Variants in MAF observed in about 807,000 individuals in gnomAD.
The protein encoded by MAF is transcription factor Maf.
MAF carries 10 observed loss-of-function variants against 22.0 expected under a neutral mutation model. The ratio of observed to expected loss-of-function variants is 0.45; its 90% CI spans 0.28 to 0.77. The LOEUF (loss-of-function observed/expected upper bound fraction) is 0.77. Among genes scored for constraint, MAF ranks in the 30% least tolerant of loss-of-function variants. The pLI is 0.12. For missense variants in MAF, 544 were observed against 548.4 expected (o/e 0.99, Z 0.08); for synonymous variants, 337 against 255.8 (o/e 1.32, Z -3.03).
chr16:79,330,583 C>G, the MAF span, among the ~76,000 whole-genome samples: 6 of 152,122 alleles, frequency 3.9e-5, no homozygotes, highest in Non-Finnish European at 8.8e-5. Context: ...GGGAGGAACA[C>G]CAGTGGGGAA....
chr16:79,299,638 G>C, the MAF span, among the ~76,000 whole-genome samples: 3 of 152,274 alleles, frequency 2.0e-5, no homozygotes, highest in African/African-American at 7.2e-5. Context: ...TGAGGCCCTG[G>C]AGGGCCCCTG....
the MAF span, among the ~76,000 whole-genome samples, chr16:79,456,544 T>G: frequency 5.9e-5 from 9 of 152,298 alleles, no homozygotes; most frequent in East Asian, 1.7e-3. Flanking sequence ...CATAGATTAC[T>G]CCAGAACTCT....
At chr16:79,464,320 C>T in the MAF span, among the ~76,000 whole-genome samples, 1 of 152,218 alleles carries the variant, frequency 6.6e-6, no homozygotes, top group South Asian at 2.1e-4. Flanking sequence ...ACTGAGAGGA[C>T]CGAGGGAGTA....
At chr16:79,432,858 G>A in the MAF span, among the ~76,000 whole-genome samples, 13 of 152,128 alleles carry the variant, frequency 8.5e-5, no homozygotes, top group Non-Finnish European at 1.5e-4. Flanking sequence ...AGGCATCCTG[G>A]AACAGACTCT....
At chr16:79,312,409 T>G in the MAF span, among the ~76,000 whole-genome samples, 4 of 152,240 alleles carry the variant, frequency 2.6e-5, no homozygotes, top group African/African-American at 9.6e-5. Flanking sequence ...GATTTTCTCC[T>G]ATTTTAATAG....
chr16:79,387,367 T>C, the MAF span, among the ~76,000 whole-genome samples: 2 of 152,204 alleles, frequency 1.3e-5, no homozygotes, highest in Non-Finnish European at 2.9e-5. Flanking sequence ...TATCTATTTA[T>C]ATCCTTACTA....
At chr16:79,473,697 G>A in the MAF span, among the ~76,000 whole-genome samples, 1 of 152,100 alleles carries the variant, frequency 6.6e-6, no homozygotes, top group African/African-American at 2.4e-5. Flanking sequence ...TTCTCCACCT[G>A]CAGTTAAAAA....
chr16:79,390,358 C>T, the MAF span, among the ~76,000 whole-genome samples: 3 of 152,176 alleles, frequency 2.0e-5, no homozygotes, highest in African/African-American at 7.2e-5. Context: ...CAAATCACTC[C>T]TGCCAAAGCT....
At chr16:79,342,594 CCAT>C in the MAF span, among the ~76,000 whole-genome samples, 2 of 152,064 alleles carry the variant, frequency 1.3e-5, no homozygotes, top group East Asian at 1.9e-4. Context: ...GTCACCATCA[CCAT>C]CATCATCATT....
the MAF span, among the ~76,000 whole-genome samples, chr16:79,578,217 A>G: frequency 8.5e-5 from 13 of 152,176 alleles, no homozygotes; most frequent in Admixed American, 1.3e-4. Flanking sequence ...ATAATATGCT[A>G]TGTGCACTGT....
the MAF span, among the ~76,000 whole-genome samples, chr16:79,419,662 A>C: frequency 2.0e-5 from 3 of 152,190 alleles, no homozygotes; most frequent in Non-Finnish European, 2.9e-5. Flanking sequence ...AGCCCCACTC[A>C]GATGATTTTC....
At chr16:79,568,939 G>A in the MAF span, among the ~76,000 whole-genome samples, 1 of 152,182 alleles carries the variant, frequency 6.6e-6, no homozygotes, top group Non-Finnish European at 1.5e-5. Context: ...TTTTACAGAT[G>A]AGAAGAACAG....
At chr16:79,598,149 A>G in intron 1 of MAF, 6 of 1,049,570 alleles carry the variant, frequency 5.7e-6, no homozygotes, top group Non-Finnish European at 6.9e-6. Flanking sequence ...ACTCAGGAGA[A>G]GAAAAAAAAA....
chr16:79,285,777 G>A, the MAF span, among the ~76,000 whole-genome samples: 1 of 152,170 alleles, frequency 6.6e-6, no homozygotes, highest in East Asian at 1.9e-4. Flanking sequence ...AAGGCGGGAG[G>A]TGACTTCCCC....
chr16:79,479,545 G>A, the MAF span, among the ~76,000 whole-genome samples: 1 of 152,174 alleles, frequency 6.6e-6, no homozygotes, highest in African/African-American at 2.4e-5. Flanking sequence ...ATTTGCAAGG[G>A]ATTGACTCCC....
At chr16:79,219,548 CAAAAAAAAAAAA>C in the MAF span, among the ~76,000 whole-genome samples, 5 of 64,734 alleles carry the variant, frequency 7.7e-5, no homozygotes, top group African/African-American at 1.2e-4. Context: ...GACTCTGCCT[CAAAAAAAAAAAA>C]AAAAAAAAAA....
the MAF span, among the ~76,000 whole-genome samples, chr16:79,210,218 C>T: frequency 1.3e-5 from 2 of 152,210 alleles, no homozygotes; most frequent in South Asian, 2.1e-4. Flanking sequence ...GATATCCTGA[C>T]ACTGAAGAAG....
the MAF span, among the ~76,000 whole-genome samples, chr16:79,443,673 G>A: frequency 6.6e-6 from 1 of 152,216 alleles, no homozygotes; most frequent in Non-Finnish European, 1.5e-5. Flanking sequence ...CCGTGGAGGG[G>A]GAACCAGCTT....
chr16:79,525,107 C>T, the MAF span, among the ~76,000 whole-genome samples: 3 of 152,178 alleles, frequency 2.0e-5, no homozygotes, highest in Admixed American at 2.0e-4. Context: ...ACCTTCCTTA[C>T]GATTTAACGC....
Sources: allele counts gnomAD v4.1 joint callset (sites outside exome capture counted in the v4.1 genomes callset), GRCh38; gene constraint gnomAD v4.1.1; transcripts MANE v1.5; gene names NCBI Gene and HGNC (gene_info 2026-07-23, HGNC 2026-07-21).